Variants in KCND2 observed in about 807,000 individuals in gnomAD.
The protein encoded by KCND2 is A-type voltage-gated potassium channel KCND2.
A neutral mutation model predicts 54.4 loss-of-function variants in KCND2; 16 were observed. The ratio of observed to expected loss-of-function variants is 0.29; its 90% CI spans 0.20 to 0.45. KCND2 has a LOEUF of 0.45. Ranked by LOEUF, KCND2 falls within the 20% of genes least tolerant of loss-of-function variation. The pLI is 1.00. For missense variants in KCND2, 486 were observed against 824.2 expected, an observed-to-expected ratio of 0.59 and a Z score of 5.02; for synonymous variants, 317 against 310.7, an observed-to-expected ratio of 1.02 and a Z score of -0.21.
At chr7:120,657,455 C>G (rs1392657671) in intron 1 of KCND2, among the ~76,000 whole-genome samples, 1 of 152,124 alleles carries the variant, frequency 6.6e-6, no homozygotes, top group Non-Finnish European at 1.5e-5. Context: ...AGAGTTTACC[C>G]TTAGGCCTCT....
chr7:120,306,941 G>T (rs1799657362), intron 1 of KCND2, among the ~76,000 whole-genome samples: 1 of 151,982 alleles, frequency 6.6e-6, no homozygotes, highest in Non-Finnish European at 1.5e-5. Flanking sequence ...CAAAAGATAA[G>T]ATATTTATTC....
At chr7:120,326,220 A>C (rs1799973027) in intron 1 of KCND2, among the ~76,000 whole-genome samples, 1 of 151,984 alleles carries the variant, frequency 6.6e-6, no homozygotes, top group African/African-American at 2.4e-5. Context: ...GATGTTGCCT[A>C]CTCTTCCTTT....
At chr7:120,674,601 TTAGA>T (rs1465901336) in intron 1 of KCND2, among the ~76,000 whole-genome samples, 1 of 152,230 alleles carries the variant, frequency 6.6e-6, no homozygotes, top group Non-Finnish European at 1.5e-5. Context: ...GAGAATTTTC[TTAGA>T]TAAATATTTT....
At chr7:120,407,242 GT>G (rs915368998) in intron 1 of KCND2, among the ~76,000 whole-genome samples, 24 of 151,660 alleles carry the variant, frequency 1.6e-4, no homozygotes, top group Admixed American at 7.2e-4. Context: ...AGGAAATACT[GT>G]TTTTTTTGTC....
chr7:120,576,729 G>A (rs188443287), intron 1 of KCND2, among the ~76,000 whole-genome samples: 21 of 152,126 alleles, frequency 1.4e-4, no homozygotes, highest in Non-Finnish European at 2.6e-4. Flanking sequence ...CTGAAGGTGA[G>A]AAGAATCCAC....
At chr7:120,314,811 A>G (rs535987507) in intron 1 of KCND2, among the ~76,000 whole-genome samples, 2 of 152,334 alleles carry the variant, frequency 1.3e-5, no homozygotes, top group East Asian at 1.9e-4. Context: ...ATGAATCCAC[A>G]TTGAATATGA....
At position 120,495,745 on chromosome 7, in the gene KCND2, A is replaced by G. The variant is rs1802838676; in HGVS notation, c.1115+219998A>G. Among the ~76,000 whole-genome samples, 2 of 152,200 alleles carry G rather than the reference A, an allele frequency of 1.3e-5. 1 individual carries two copies. The highest frequency in any genetic ancestry group is 1.3e-4 in the Admixed American group (2 of 15,262). ...AAAAGAAAGGTGAAGACAACAGTTC[A>G]AAATATCTCACCCATGCCCTGCCCC... On this transcript the variant is annotated intron_variant, in intron 1 of 5. Transcript: ENST00000331113.
intron 1 of KCND2, among the ~76,000 whole-genome samples, chr7:120,381,804 G>C (rs1327597001): frequency 6.6e-6 from 1 of 151,974 alleles, no homozygotes; most frequent in African/African-American, 2.4e-5. Context: ...CTAGTAAAAA[G>C]TCTTTTTAAG....
rs144480649 is a variant in KCND2 at position 120,601,683 on chromosome 7, A to C, written c.1116-131220A>C. Among the ~76,000 whole-genome samples, 5 of 152,256 alleles carry C rather than the reference A, an allele frequency of 3.3e-5. No individual in the cohort carries two copies. The East Asian group carries it at 9.7e-4, about 29-fold the overall frequency. ...CAACATGTTAAACTAGCATCAAATG[A>C]TTTGAGAGTTGACCTTGAACTACTG... On this transcript the variant is annotated intron_variant, in intron 1 of 5. Transcript: ENST00000331113.
At chr7:120,368,897 T>G (rs1207459037) in intron 1 of KCND2, among the ~76,000 whole-genome samples, 5 of 152,214 alleles carry the variant, frequency 3.3e-5, no homozygotes, top group Non-Finnish European at 1.5e-5. Flanking sequence ...ACTTCAAACA[T>G]TTTTACTTAA....
At chr7:120,727,681 C>T (rs1034558866) in intron 1 of KCND2, among the ~76,000 whole-genome samples, 1 of 152,160 alleles carries the variant, frequency 6.6e-6, no homozygotes, top group Non-Finnish European at 1.5e-5. Context: ...AAAGGCACTT[C>T]CATGTTGTAC....
chr7:120,726,976 A>G (rs1792741256), intron 1 of KCND2, among the ~76,000 whole-genome samples: 1 of 152,212 alleles, frequency 6.6e-6, no homozygotes. Context: ...GATCTCTTCT[A>G]TCTTCATGAT....
At chr7:120,610,195 G>A (rs949558367) in intron 1 of KCND2, among the ~76,000 whole-genome samples, 17 of 152,128 alleles carry the variant, frequency 1.1e-4, no homozygotes, top group African/African-American at 3.1e-4. Flanking sequence ...GATGATGAAA[G>A]CAGGTGAGGC....
intron 1 of KCND2, among the ~76,000 whole-genome samples, chr7:120,318,631 C>T (rs903562720): frequency 3.3e-5 from 5 of 151,922 alleles, no homozygotes; most frequent in Admixed American, 6.6e-5. Context: ...GATTGAGAAC[C>T]AAATAAAATC....
rs552780077 is a variant in KCND2, at chr7:120,622,695, T to A, written c.1116-110208T>A. Reference sequence around the variant, plus strand: ...CACACACACACACACACACACTCTCTCTCTCTCTCTCTCTCTCTCTCACAC... The same window carrying A: ...CACACACACACACACACACACTCTCACTCTCTCTCTCTCTCTCTCTCACAC... On this transcript the variant is annotated intron_variant, in intron 1 of 5. Transcript: ENST00000331113. 1.5e-3 allele frequency among the ~76,000 whole-genome samples: 176 copies of A among 114,558 alleles called. 1 individual carries two copies. Among genetic ancestry groups the A allele is most frequent in the African/African-American group, 5.6e-3 (149 of 26,732 alleles). 75.2% of individuals were successfully genotyped at this position (114,558 alleles called of 152,430 possible).
intron 1 of KCND2, among the ~76,000 whole-genome samples, chr7:120,729,778 G>A (rs1251399273): frequency 6.6e-6 from 1 of 152,184 alleles, no homozygotes; most frequent in African/African-American, 2.4e-5. Flanking sequence ...CAGTTGTGAA[G>A]GAATGTTGGA....
chr7:120,608,708 A>T (rs1413951492), intron 1 of KCND2, among the ~76,000 whole-genome samples: 2 of 152,142 alleles, frequency 1.3e-5, no homozygotes, highest in African/African-American at 4.8e-5. Flanking sequence ...CAACCACAGT[A>T]TAGTAATCAT....
chr7:120,578,067 AAGAAGG>A lies in KCND2; in HGVS notation c.1116-154814_1116-154809del, dbSNP rs1157403504. Among the ~76,000 whole-genome samples, 342 of 150,982 alleles carry A rather than the reference AAGAAGG, an allele frequency of 2.3e-3. 1 individual carries two copies. Among genetic ancestry groups the A allele is most frequent in the South Asian group, 0.015 (71 of 4,700 alleles). On this transcript the variant is annotated intron_variant, in intron 1 of 5. Transcript: ENST00000331113. ...GGAGAAGAAGAAGAAGAAGAAGAACAAGAAGGAGAAGGAGAAGGAGAAGGAGAGGAA... is the reference window on the plus strand; with the variant it reads ...GGAGAAGAAGAAGAAGAAGAAGAACAAGAAGGAGAAGGAGAAGGAGAGGAA...
chr7:120,281,374 C>T (rs1451038299), intron 1 of KCND2, among the ~76,000 whole-genome samples: 1 of 151,450 alleles, frequency 6.6e-6, no homozygotes, highest in African/African-American at 2.4e-5. Context: ...AAGCATTGCT[C>T]TCCCACTAGC....
Sources: allele counts gnomAD v4.1 joint callset (sites outside exome capture counted in the v4.1 genomes callset), GRCh38; gene constraint gnomAD v4.1.1; transcripts MANE v1.5; gene names NCBI Gene and HGNC (gene_info 2026-07-23, HGNC 2026-07-21).